ACYP2: variants seen among roughly 807,000 people sequenced by gnomAD.
The protein encoded by ACYP2 is acylphosphatase 2.
ACYP2 carries 12 observed loss-of-function variants against 11.2 expected under a neutral mutation model. That is an observed-to-expected ratio of 1.08 (90% CI 0.69 to 1.74). The LOEUF (loss-of-function observed/expected upper bound fraction) is 1.74. ACYP2 is among the 40% of genes most tolerant of loss of function. The pLI, the probability that ACYP2 is intolerant of heterozygous loss-of-function variation, is 0.00. For missense variants in ACYP2, 134 were observed against 101.9 expected (o/e 1.31, Z -1.35); for synonymous variants, 43 against 32.2 (o/e 1.33, Z -1.13).
At chr2:54,274,625 C>CA (rs70944155) in intron 6 of ACYP2, among the ~76,000 whole-genome samples, 6,688 of 37,662 alleles carry the variant, frequency 0.18, 1,930 homozygotes, top group Non-Finnish European at 0.23. Flanking sequence ...GACTCCATCT[C>CA]AAAAAAAAAA....
At chr2:54,009,285 G>T (rs1471919694) in intron 2 of ACYP2, among the ~76,000 whole-genome samples, 1 of 151,988 alleles carries the variant, frequency 6.6e-6, no homozygotes, top group African/African-American at 2.4e-5. Context: ...CTGGCTGGAT[G>T]CAGTGGCTCA....
At chr2:54,016,883 G>A (rs1673717457) in intron 2 of ACYP2, among the ~76,000 whole-genome samples, 1 of 151,850 alleles carries the variant, frequency 6.6e-6, no homozygotes, top group Non-Finnish European at 1.5e-5. Flanking sequence ...CCGCCACCAC[G>A]CCCGGCTAAT....
At chr2:54,050,311 G>T (rs1359230486) in intron 2 of ACYP2, among the ~76,000 whole-genome samples, 1 of 152,020 alleles carries the variant, frequency 6.6e-6, no homozygotes, top group African/African-American at 2.4e-5. Context: ...TACTTGGGAG[G>T]CTGAGGTGGG....
intron 2 of ACYP2, among the ~76,000 whole-genome samples, chr2:54,046,248 G>A (rs1248570592): frequency 6.6e-6 from 1 of 151,600 alleles, no homozygotes; most frequent in African/African-American, 2.4e-5. Flanking sequence ...GGAGGCTGAG[G>A]CGGGTGCATT....
intron 4 of ACYP2, among the ~76,000 whole-genome samples, chr2:54,122,980 G>A (rs1034225443): frequency 1.3e-5 from 2 of 152,202 alleles, no homozygotes; most frequent in African/African-American, 4.8e-5. Context: ...GAATTAAACA[G>A]TGGCCACCCC....
At chr2:53,996,999 T>C (rs112901563) in intron 2 of ACYP2, among the ~76,000 whole-genome samples, 1,691 of 152,328 alleles carry the variant, frequency 0.011, 21 homozygotes, top group Non-Finnish European at 0.017. Context: ...CTAGCCCCAA[T>C]CTACCATTCT....
intron 4 of ACYP2, among the ~76,000 whole-genome samples, chr2:54,067,708 C>CT (rs1345265162): frequency 6.6e-6 from 1 of 151,756 alleles, no homozygotes. Context: ...CTAAAAGTAA[C>CT]TTTTTTTTTC....
chr2:54,006,598 CTCTATTTATTTAGT>C (rs948278608), intron 2 of ACYP2, among the ~76,000 whole-genome samples: 2 of 152,074 alleles, frequency 1.3e-5, no homozygotes, highest in African/African-American at 4.8e-5. Context: ...CAGTATCTCT[CTCTATTTATTTAGT>C]TCTTCTTAGA....
chr2:54,083,466 G>C (rs1048617599), intron 4 of ACYP2, among the ~76,000 whole-genome samples: 16 of 152,152 alleles, frequency 1.1e-4, no homozygotes, highest in African/African-American at 3.9e-4. Context: ...ATGTTCGATT[G>C]GGACAAAACC....
At chr2:54,164,196 G>A (rs934108079) in intron 6 of ACYP2, among the ~76,000 whole-genome samples, 1 of 152,192 alleles carries the variant, frequency 6.6e-6, no homozygotes, top group African/African-American at 2.4e-5. Context: ...ATGGAAGAGA[G>A]ATGGCATGGG....
chr2:54,034,720 A>G (rs1273076792), intron 2 of ACYP2, among the ~76,000 whole-genome samples: 1 of 152,232 alleles, frequency 6.6e-6, no homozygotes, highest in South Asian at 2.1e-4. Flanking sequence ...TGGTTAAAAG[A>G]TTAGACTCAT....
intron 6 of ACYP2, among the ~76,000 whole-genome samples, chr2:54,173,605 G>A (rs1683313243): frequency 6.6e-6 from 1 of 152,158 alleles, no homozygotes; most frequent in African/African-American, 2.4e-5. Flanking sequence ...TAGTCATGAA[G>A]TCCTTGCCCA....
At chr2:53,999,969 T>G (rs1672729120) in intron 2 of ACYP2, among the ~76,000 whole-genome samples, 1 of 152,140 alleles carries the variant, frequency 6.6e-6, no homozygotes. Flanking sequence ...TCATCATCTC[T>G]GTGTTTTACC....
chr2:54,039,344 G>A (rs570973450), intron 2 of ACYP2, among the ~76,000 whole-genome samples: 63 of 151,364 alleles, frequency 4.2e-4, no homozygotes, highest in African/African-American at 1.2e-3. Flanking sequence ...CCAGGCTGGA[G>A]GGCAGTGGTG....
intron 4 of ACYP2, among the ~76,000 whole-genome samples, chr2:54,121,717 T>A (rs934451732): frequency 6.6e-6 from 1 of 152,216 alleles, no homozygotes; most frequent in African/African-American, 2.4e-5. Context: ...GTTCTTATAG[T>A]ATTTTATTTA....
intron 6 of ACYP2, among the ~76,000 whole-genome samples, chr2:54,288,110 G>A (rs1689155337): frequency 6.6e-6 from 1 of 151,894 alleles, no homozygotes; most frequent in South Asian, 2.1e-4. Flanking sequence ...TCTATCCAGG[G>A]AAAATATCAG....
intron 4 of ACYP2, among the ~76,000 whole-genome samples, chr2:54,130,442 G>A (rs1680832529): frequency 6.6e-6 from 1 of 152,204 alleles, no homozygotes; most frequent in Non-Finnish European, 1.5e-5. Context: ...TTCATTTCCA[G>A]TGTAGTGGGA....
intron 3 of ACYP2, among the ~76,000 whole-genome samples, chr2:54,053,102 A>G (rs780688852): frequency 6.6e-6 from 1 of 152,204 alleles, no homozygotes; most frequent in Non-Finnish European, 1.5e-5. Flanking sequence ...TGGACCCCTG[A>G]AGAGCATGTT....
intron 4 of ACYP2, among the ~76,000 whole-genome samples, chr2:54,064,682 A>G (rs1676647536): frequency 6.6e-6 from 1 of 152,202 alleles, no homozygotes; most frequent in Admixed American, 6.5e-5. Context: ...TATAAGTACA[A>G]AGGGAAGACA....
Sources: gnomAD v4.1 joint callset for allele counts (sites outside exome capture counted in the v4.1 genomes callset) on GRCh38, gnomAD v4.1.1 for gene constraint, MANE v1.5 for transcripts, NCBI Gene and HGNC (gene_info 2026-07-23, HGNC 2026-07-21) for gene names.